The following CPNE2 variants were observed in gnomAD, a reference collection of about 807,000 sequenced individuals.
The protein encoded by CPNE2 is copine 2.
CPNE2 carries 42 observed loss-of-function variants against 69.7 expected under a neutral mutation model. The observed-to-expected ratio is 0.60, with a 90% CI of 0.47 to 0.78. The LOEUF is 0.78. CPNE2 is among the 30% of genes least tolerant of loss of function. The probability of loss-of-function intolerance (pLI) is 0.00; values close to 1 mark genes in which losing one functional copy is unlikely to be tolerated. For missense variants in CPNE2, 587 were observed against 732.0 expected, an observed-to-expected ratio of 0.80 and a Z score of 2.29; for synonymous variants, 294 against 289.8, an observed-to-expected ratio of 1.01 and a Z score of -0.15.
At chr16:57,140,849 G>A (rs1453777168) in intron 14 of CPNE2, 1 of 150,202 alleles carries the variant, frequency 6.7e-6, no homozygotes, top group African/African-American at 2.5e-5. Context: ...ACAGACCTGA[G>A]CCACGGCACC....
At chr16:57,145,978 T>C (rs1164173712) in intron 14 of CPNE2, 107 bp from the exon 15 acceptor site, 14 of 921,246 alleles carry the variant, frequency 1.5e-5, no homozygotes, top group Non-Finnish European at 2.4e-5. Context: ...CTGGGTAAGA[T>C]GCACTGCCTT....
At chr16:57,137,063 T>G (rs1409191066) in intron 13 of CPNE2, 86 bp from the exon 14 acceptor site, 2 of 1,547,016 alleles carry the variant, frequency 1.3e-6, no homozygotes, top group Non-Finnish European at 1.8e-6. Context: ...TGGGTAAGCA[T>G]GAAATAGATG....
At chr16:57,097,580 A>G (rs1380077527) in intron 1 of CPNE2, among the ~76,000 whole-genome samples, 3 of 152,216 alleles carry the variant, frequency 2.0e-5, no homozygotes, top group African/African-American at 7.2e-5. Context: ...CTGTATGAAG[A>G]AACTGAGGCT....
At chr16:57,126,657 G>A (rs2069803490) in intron 11 of CPNE2, among the ~76,000 whole-genome samples, 1 of 152,234 alleles carries the variant, frequency 6.6e-6, no homozygotes, top group Admixed American at 6.5e-5. Flanking sequence ...ATTGGGAACA[G>A]GGGAGGAAGA....
At chr16:57,126,520 A>G (rs997765383) in intron 11 of CPNE2, among the ~76,000 whole-genome samples, 1 of 151,982 alleles carries the variant, frequency 6.6e-6, no homozygotes, top group African/African-American at 2.4e-5. Context: ...TACCACGGAA[A>G]GTCAGTGAAG....
At chr16:57,099,345 T>C (rs767966116) in intron 1 of CPNE2, among the ~76,000 whole-genome samples, 7 of 152,192 alleles carry the variant, frequency 4.6e-5, no homozygotes, top group Non-Finnish European at 8.8e-5. Flanking sequence ...TCTCCCTTCT[T>C]CCAATCATGG....
At chr16:57,120,683 TC>T (rs1160783817) in intron 7 of CPNE2, among the ~76,000 whole-genome samples, 2 of 151,960 alleles carry the variant, frequency 1.3e-5, no homozygotes, top group Non-Finnish European at 2.9e-5. Context: ...GGAACAATAA[TC>T]CCTGCCTTCC....
chr16:57,122,697 A>T (rs1404964167), intron 9 of CPNE2, among the ~76,000 whole-genome samples: 1 of 152,106 alleles, frequency 6.6e-6, no homozygotes, highest in Non-Finnish European at 1.5e-5. Flanking sequence ...GGTTCAAGGG[A>T]TTCTCCTGCC....
intron 4 of CPNE2, among the ~76,000 whole-genome samples, chr16:57,116,520 C>T (rs1475810504): frequency 6.6e-6 from 1 of 152,132 alleles, no homozygotes; most frequent in African/African-American, 2.4e-5. Flanking sequence ...CTACTGCCCT[C>T]CAGCCTGGGC....
At position 57,113,460 on chromosome 16, in the gene CPNE2, T is replaced by C; in HGVS notation, c.353T>C (p.Leu118Pro). Residue 118 changes from leucine to proline, a missense_variant, in exon 3 of 16, where the codon CTG becomes CCG. Physicochemically the swap from Leu to Pro is moderately conservative, Grantham distance 98. Around this residue, in one of 5 missense-constraint regions of CPNE2, gnomAD observed 34 missense variants for 67.1 expected, o/e 0.51. Transcript: ENST00000290776. ...TTCCTGGGCCAGTTCTCCTGCAGCC[T>C]GGGCACGGTGAGCTGGGCCCTCCTG... is the stretch of plus-strand genomic sequence containing the variant. ...HDFLGQFSCS[L>P]GTIVSSKKIT... The C allele has an allele frequency of 1.9e-6, 3 of 1,613,466 alleles. No individual in the cohort carries two copies. Among genetic ancestry groups the C allele is most frequent in the Non-Finnish European group, 2.5e-6 (3 of 1,179,614 alleles).
intron 12 of CPNE2, among the ~76,000 whole-genome samples, chr16:57,134,297 C>A (rs542252542): frequency 1.3e-5 from 2 of 152,174 alleles, no homozygotes; most frequent in Non-Finnish European, 2.9e-5. Flanking sequence ...AGCTCACCCC[C>A]GTTTGGCTGT....
At chr16:57,117,219 T>TG (rs1432888249) in intron 4 of CPNE2, among the ~76,000 whole-genome samples, 2 of 152,146 alleles carry the variant, frequency 1.3e-5, no homozygotes, top group African/African-American at 4.8e-5. Context: ...CCCCGGTGTC[T>TG]GGTCCTTGCT....
chr16:57,117,261 G>A (rs931560984), intron 4 of CPNE2, among the ~76,000 whole-genome samples: 2 of 152,090 alleles, frequency 1.3e-5, no homozygotes, highest in South Asian at 2.1e-4. Context: ...TGGGCCCTGC[G>A]GATTTGCGTA....
At position 57,114,617 on chromosome 16, in the gene CPNE2, T is replaced by A. The variant is rs527489569; in HGVS notation, c.361-859T>A. On this transcript the variant is annotated intron_variant, in intron 3 of 15. Coordinates refer to ENST00000290776, the MANE Select transcript of CPNE2 (RefSeq NM_152727.6). ...CAGGAGCAGGACTAGATCATACTGA[T>A]GTGTGCTCCCCGCTGCACAGGACGA... Among the ~76,000 whole-genome samples the A allele has an allele frequency of 1.1e-4, 17 of 152,194 alleles. No individual in the cohort carries two copies. In the South Asian group the frequency reaches 3.1e-3, roughly 28 times the overall value.
chr16:57,131,769 CCTG>C (rs1179770645), intron 12 of CPNE2, among the ~76,000 whole-genome samples: 4 of 152,226 alleles, frequency 2.6e-5, no homozygotes, highest in Non-Finnish European at 5.9e-5. Context: ...TCGCCTCACT[CCTG>C]CTGCCTGAAG....
rs2069553952 is a variant in CPNE2 at position 57,092,999 on chromosome 16, G to A, written c.-36+209G>A. Among the ~76,000 whole-genome samples the A allele has an allele frequency of 1.3e-5, 2 of 152,124 alleles. No homozygotes were observed. Among genetic ancestry groups the A allele is most frequent in the South Asian group, 2.1e-4 (1 of 4,820 alleles). On this transcript the variant is annotated intron_variant, in intron 1 of 15. Transcript: ENST00000290776. This position sits in a 1 kb window ranked among gnomAD's most constrained non-coding sequence, Gnocchi z 5.3. Reference sequence around the variant, plus strand: ...CCCGGCCACGCGGGGGCGCCCCGCCGGCTCCCGGACTGCGGGGAAGGGCGG... The same window carrying A: ...CCCGGCCACGCGGGGGCGCCCCGCCAGCTCCCGGACTGCGGGGAAGGGCGG...
At chr16:57,144,935 C>CT (rs1160294472) in intron 14 of CPNE2, 1 of 151,194 alleles carries the variant, frequency 6.6e-6, no homozygotes, top group Non-Finnish European at 1.5e-5. Flanking sequence ...GAGACTCAGT[C>CT]TAAAAAAAAA....
intron 9 of CPNE2, chr16:57,123,186 G>A: frequency 3.5e-6 from 2 of 570,894 alleles, no homozygotes; most frequent in Non-Finnish European, 6.3e-6. Context: ...GCATGTGTCT[G>A]TGTATCTGTG....
chr16:57,099,170 G>C (rs1276969141), intron 1 of CPNE2, among the ~76,000 whole-genome samples: 1 of 152,104 alleles, frequency 6.6e-6, no homozygotes, highest in Non-Finnish European at 1.5e-5. Flanking sequence ...GATTTGTTTT[G>C]TCCATGTTTA....
Sources: gnomAD v4.1 joint callset for allele counts (sites outside exome capture counted in the v4.1 genomes callset) on GRCh38, gnomAD v4.1.1 for gene constraint, gnomAD v4.1.1 regional missense constraint, Gnocchi (gnomAD v3.1) non-coding constraint, MANE v1.5 for transcripts, NCBI Gene and HGNC (gene_info 2026-07-23, HGNC 2026-07-21) for gene names.